The following NRG3 variants were observed in gnomAD, a reference collection of about 807,000 sequenced individuals.
The protein encoded by NRG3 is pro-neuregulin-3, membrane-bound isoform.
A neutral mutation model predicts 66.9 loss-of-function variants in NRG3; 31 were observed. The observed-to-expected ratio is 0.46, with a 90% confidence interval of 0.35 to 0.63. The LOEUF (loss-of-function observed/expected upper bound fraction) is 0.63, where lower values mean the gene tolerates loss of function less well. NRG3 is among the 20% of genes least tolerant of loss of function. The probability of loss-of-function intolerance (pLI) is 0.00; values close to 1 mark genes in which losing one functional copy is unlikely to be tolerated. For missense variants in NRG3, 910 were observed against 878.9 expected (o/e 1.04, Z -0.45); for synonymous variants, 393 against 359.4 (o/e 1.09, Z -1.06).
intron 2 of NRG3, among the ~76,000 whole-genome samples, chr10:82,382,268 T>C (rs1224867129): frequency 6.6e-6 from 1 of 152,064 alleles, no homozygotes; most frequent in African/African-American, 2.4e-5. Flanking sequence ...TATTTCATTT[T>C]ATCCTTCTCA....
chr10:82,785,360 TA>T (rs1401632353), intron 3 of NRG3, among the ~76,000 whole-genome samples: 2 of 149,538 alleles, frequency 1.3e-5, no homozygotes, highest in African/African-American at 4.9e-5. Context: ...ATAATAATAA[TA>T]AAAAAATTAA....
chr10:82,908,845 C>T (rs1057226012), intron 4 of NRG3, among the ~76,000 whole-genome samples: 4 of 152,124 alleles, frequency 2.6e-5, no homozygotes, highest in Admixed American at 6.5e-5. Context: ...TTGCTTTCAG[C>T]GACTGGAGCT....
chr10:82,620,297 G>A (rs563256859), intron 2 of NRG3, among the ~76,000 whole-genome samples: 2 of 152,260 alleles, frequency 1.3e-5, no homozygotes, highest in African/African-American at 2.4e-5. Flanking sequence ...CACTTGGTGG[G>A]TCCTGAGCTC....
intron 3 of NRG3, among the ~76,000 whole-genome samples, chr10:82,826,029 TA>T (rs1267203439): frequency 1.3e-5 from 2 of 152,152 alleles, no homozygotes; most frequent in Non-Finnish European, 2.9e-5. Context: ...TACCATGGAG[TA>T]AACTTTATGC....
intron 1 of NRG3, among the ~76,000 whole-genome samples, chr10:82,084,172 G>A (rs2065577061): frequency 6.6e-6 from 1 of 152,124 alleles, no homozygotes; most frequent in African/African-American, 2.4e-5. Context: ...AGGTTGCAGT[G>A]AGCCGAGATT....
At chr10:82,081,310 G>T (rs1276679262) in intron 1 of NRG3, among the ~76,000 whole-genome samples, 1 of 152,066 alleles carries the variant, frequency 6.6e-6, no homozygotes, top group Non-Finnish European at 1.5e-5. Flanking sequence ...AGAACACAAA[G>T]ATAGCTTTCT....
intron 3 of NRG3, among the ~76,000 whole-genome samples, chr10:82,835,046 G>A (rs1196472494): frequency 6.6e-6 from 1 of 152,198 alleles, no homozygotes; most frequent in East Asian, 1.9e-4. Context: ...CTTTTCTCAA[G>A]AAGCTATCTT....
intron 2 of NRG3, among the ~76,000 whole-genome samples, chr10:82,646,941 T>G (rs2050979685): frequency 6.6e-6 from 1 of 151,488 alleles, no homozygotes. Context: ...CTTTTTAAAC[T>G]TTTGCATTTC....
chr10:82,715,934 G>A (rs2056947204), intron 2 of NRG3, among the ~76,000 whole-genome samples: 1 of 152,042 alleles, frequency 6.6e-6, no homozygotes, highest in Non-Finnish European at 1.5e-5. Context: ...TAGCTCTCTA[G>A]CCTCTTCTTA....
At chr10:82,587,852 GA>G (rs1302711792) in intron 2 of NRG3, among the ~76,000 whole-genome samples, 2 of 152,218 alleles carry the variant, frequency 1.3e-5, no homozygotes, top group Non-Finnish European at 1.5e-5. Context: ...AAAGTAATGT[GA>G]AAGTGTAAAT....
At chr10:82,412,074 T>C (rs1444296794) in intron 2 of NRG3, among the ~76,000 whole-genome samples, 1 of 152,112 alleles carries the variant, frequency 6.6e-6, no homozygotes, top group Admixed American at 6.6e-5. Flanking sequence ...TTACGTTTCA[T>C]GTGGATAACC....
chr10:82,381,210 G>C (rs2085593954), intron 2 of NRG3, among the ~76,000 whole-genome samples: 1 of 152,140 alleles, frequency 6.6e-6, no homozygotes. Context: ...CCTGAATCCA[G>C]CATGTTTCAT....
At chr10:82,853,255 G>C (rs2063650721) in intron 3 of NRG3, among the ~76,000 whole-genome samples, 1 of 152,202 alleles carries the variant, frequency 6.6e-6, no homozygotes, top group Non-Finnish European at 1.5e-5. Context: ...TTTTTGCTTA[G>C]TCTTGCTTTG....
At chr10:81,965,026 A>G (rs1747662159) in intron 1 of NRG3, among the ~76,000 whole-genome samples, 1 of 152,230 alleles carries the variant, frequency 6.6e-6, no homozygotes, top group African/African-American at 2.4e-5. Flanking sequence ...ATATTAATTT[A>G]ATACAAAATA....
intron 3 of NRG3, among the ~76,000 whole-genome samples, chr10:82,768,867 G>A (rs754493628): frequency 3.3e-5 from 5 of 152,096 alleles, no homozygotes; most frequent in East Asian, 1.9e-4. Context: ...CATTTCTGAC[G>A]TTCAAGTTTG....
chr10:82,341,623 A>G (rs1258797800), intron 1 of NRG3, among the ~76,000 whole-genome samples: 1 of 152,034 alleles, frequency 6.6e-6, no homozygotes, highest in Non-Finnish European at 1.5e-5. Context: ...TTATAGATTT[A>G]GGGAGTACAA....
intron 2 of NRG3, among the ~76,000 whole-genome samples, chr10:82,530,445 G>C (rs567032778): frequency 7.2e-5 from 11 of 151,990 alleles, no homozygotes; most frequent in African/African-American, 2.6e-4. Flanking sequence ...GGTGGCCCTC[G>C]TTTCTCTCTA....
intron 1 of NRG3, among the ~76,000 whole-genome samples, chr10:82,024,865 C>A (rs2062227631): frequency 6.6e-6 from 1 of 152,088 alleles, no homozygotes; most frequent in Admixed American, 6.6e-5. Flanking sequence ...GCCTTTTAGA[C>A]AAAACCGTCT....
chr10:82,001,428 A>G (rs915803575), intron 1 of NRG3, among the ~76,000 whole-genome samples: 2 of 151,976 alleles, frequency 1.3e-5, no homozygotes, highest in African/African-American at 4.8e-5. Flanking sequence ...GCTTAAACTC[A>G]GGAGGCAGAG....
Sources: gnomAD v4.1 joint callset for allele counts (sites outside exome capture counted in the v4.1 genomes callset) on GRCh38, gnomAD v4.1.1 for gene constraint, MANE v1.5 for transcripts, NCBI Gene and HGNC (gene_info 2026-07-23, HGNC 2026-07-21) for gene names.